Variants in SSH2 observed in about 807,000 individuals in gnomAD.
The protein encoded by SSH2 is protein phosphatase Slingshot homolog 2.
Under a neutral mutation model 135.2 loss-of-function variants are expected in SSH2, and 37 were observed. The observed-to-expected ratio is 0.27, with a 90% CI of 0.21 to 0.36. The LOEUF (loss-of-function observed/expected upper bound fraction) is 0.36. Ranked by LOEUF, SSH2 falls within the 10% of genes least tolerant of loss-of-function variation. SSH2 has a pLI of 1.00. For synonymous variants in SSH2, 628 were observed against 646.2 expected, an observed-to-expected ratio of 0.97 and a Z score of 0.43; for missense variants, 1,408 against 1,765.3, an observed-to-expected ratio of 0.80 and a Z score of 3.63.
chr17:29,697,956 A>G (rs1200292083), intron 4 of SSH2, among the ~76,000 whole-genome samples: 4 of 152,236 alleles, frequency 2.6e-5, no homozygotes, highest in African/African-American at 9.6e-5. Context: ...CTATCAAATG[A>G]TGAATGGATA....
At chr17:29,681,389 A>C (rs2151070725) in intron 6 of SSH2, among the ~76,000 whole-genome samples, 1 of 150,872 alleles carries the variant, frequency 6.6e-6, no homozygotes, top group South Asian at 2.1e-4. Context: ...ACAGGAAGGA[A>C]AGGACTGAAT....
chr17:29,884,890 A>G (rs2066205320), intron 1 of SSH2, among the ~76,000 whole-genome samples: 1 of 152,174 alleles, frequency 6.6e-6, no homozygotes, highest in Admixed American at 6.5e-5. Context: ...CTCTGACCTT[A>G]CATCTCTACA....
intron 3 of SSH2, among the ~76,000 whole-genome samples, chr17:29,770,152 T>C (rs2041547187): frequency 6.9e-6 from 1 of 144,560 alleles, no homozygotes; most frequent in Admixed American, 7.3e-5. Context: ...CAGGCTGGAG[T>C]ACAGTGGTGC....
intron 3 of SSH2, chr17:29,716,435 G>T: frequency 1.5e-6 from 1 of 656,336 alleles, no homozygotes; most frequent in South Asian, 1.5e-5. Flanking sequence ...TAATTCTCTT[G>T]GCAAGAATCT....
chr17:29,825,561 T>C (rs1372630663), intron 2 of SSH2, among the ~76,000 whole-genome samples: 1 of 152,174 alleles, frequency 6.6e-6, no homozygotes, highest in Non-Finnish European at 1.5e-5. Context: ...CTGTCTGTAG[T>C]ATATACTTAC....
intron 3 of SSH2, among the ~76,000 whole-genome samples, chr17:29,706,854 C>T (rs1289117845): frequency 2.6e-5 from 4 of 152,132 alleles, no homozygotes; most frequent in African/African-American, 7.2e-5. Context: ...TTGACAAACA[C>T]TATTTTAAGA....
At chr17:29,876,397 A>AT (rs918314973) in intron 1 of SSH2, among the ~76,000 whole-genome samples, 28 of 151,890 alleles carry the variant, frequency 1.8e-4, no homozygotes, top group Non-Finnish European at 3.5e-4. Flanking sequence ...GGATTATTAG[A>AT]TTTTTTTTCC....
chr17:29,829,464 T>TTG (rs113871041), intron 2 of SSH2, among the ~76,000 whole-genome samples: 4,554 of 149,802 alleles, frequency 0.03, 117 homozygotes, highest in Middle Eastern at 0.063. Flanking sequence ...TGTCGATGGC[T>TTG]TGTGTGTGTG....
At chr17:29,652,196 A>C (rs991162219) in intron 12 of SSH2, among the ~76,000 whole-genome samples, 3 of 152,216 alleles carry the variant, frequency 2.0e-5, no homozygotes, top group African/African-American at 7.2e-5. Context: ...CAGTTTCCCC[A>C]AGGGTAAACA....
intron 9 of SSH2, among the ~76,000 whole-genome samples, chr17:29,670,781 A>C (rs1282107033): frequency 6.6e-6 from 1 of 152,164 alleles, no homozygotes; most frequent in African/African-American, 2.4e-5. Context: ...CTCAAAAACT[A>C]AAATAAAATA....
At chr17:29,778,787 T>C (rs931529048) in intron 3 of SSH2, among the ~76,000 whole-genome samples, 23 of 124,196 alleles carry the variant, frequency 1.9e-4, no homozygotes, top group Non-Finnish European at 3.6e-4. Flanking sequence ...TGAGCTGAGA[T>C]CATGCCACTG....
chr17:29,860,720 C>T (rs533369633), intron 1 of SSH2, among the ~76,000 whole-genome samples: 68 of 151,456 alleles, frequency 4.5e-4, no homozygotes, highest in African/African-American at 1.5e-3. Context: ...GCATGAGCTA[C>T]TGTGCTCAGT....
At chr17:29,747,226 AT>A (rs889609866) in intron 3 of SSH2, among the ~76,000 whole-genome samples, 2 of 152,236 alleles carry the variant, frequency 1.3e-5, no homozygotes, top group African/African-American at 4.8e-5. Context: ...ACCAAAAAAA[AT>A]CAAATAATTC....
chr17:29,671,434 A>G (rs2151043909), intron 9 of SSH2, among the ~76,000 whole-genome samples: 1 of 152,242 alleles, frequency 6.6e-6, no homozygotes, highest in East Asian at 1.9e-4. Context: ...GTGAGCTATG[A>G]TTGTGCCACT....
intron 3 of SSH2, among the ~76,000 whole-genome samples, chr17:29,774,528 G>A (rs1462563809): frequency 6.6e-6 from 1 of 152,194 alleles, no homozygotes; most frequent in Non-Finnish European, 1.5e-5. Context: ...GCCTCCCAAA[G>A]TGTTGGGATT....
intron 1 of SSH2, among the ~76,000 whole-genome samples, chr17:29,922,206 T>G (rs901782198): frequency 1.3e-5 from 2 of 152,184 alleles, no homozygotes; most frequent in Non-Finnish European, 1.5e-5. Context: ...GTGAGCAGTG[T>G]GCAAGGCAGG....
intron 3 of SSH2, among the ~76,000 whole-genome samples, chr17:29,726,596 T>C (rs1244770959): frequency 2.0e-5 from 3 of 152,194 alleles, no homozygotes; most frequent in Non-Finnish European, 2.9e-5. Context: ...ATAGATACCA[T>C]GGGGGCTATT....
chr17:29,677,054 T>C (rs372628418), intron 7 of SSH2, among the ~76,000 whole-genome samples, 169 bp from the exon 8 acceptor site: 3 of 152,230 alleles, frequency 2.0e-5, no homozygotes, highest in Admixed American at 1.3e-4. Flanking sequence ...CCAAAAAGCT[T>C]TGACAAATTG....
At chr17:29,775,721 T>C (rs2041683707) in intron 3 of SSH2, 1 of 152,222 alleles carries the variant, frequency 6.6e-6, no homozygotes, top group Non-Finnish European at 1.5e-5. Flanking sequence ...CCTGAGACAA[T>C]GGTCTTGTTA....
Sources: allele counts gnomAD v4.1 joint callset (sites outside exome capture counted in the v4.1 genomes callset), GRCh38; gene constraint gnomAD v4.1.1; transcripts MANE v1.5; gene names NCBI Gene and HGNC (gene_info 2026-07-23, HGNC 2026-07-21).